SPON1: variants seen among roughly 807,000 people sequenced by gnomAD.
The protein encoded by SPON1 is spondin-1.
Under a neutral mutation model 111.7 loss-of-function variants are expected in SPON1, and 52 were observed. That is an observed-to-expected ratio of 0.47 (90% CI 0.37 to 0.59). The LOEUF (loss-of-function observed/expected upper bound fraction) is 0.59. SPON1 is among the 20% of genes least tolerant of loss of function. The pLI is 0.00. For missense variants in SPON1, 957 were observed against 1,068.5 expected (o/e 0.90, Z 1.46); for synonymous variants, 410 against 395.8 (o/e 1.04, Z -0.43).
At chr11:14,211,236 G>A (rs540796059) in intron 6 of SPON1, among the ~76,000 whole-genome samples, 18 of 152,256 alleles carry the variant, frequency 1.2e-4, no homozygotes, top group Middle Eastern at 3.4e-3. Flanking sequence ...AAACCCCATC[G>A]TCTCAGCCCA....
At chr11:13,986,642 C>T (rs1163087088) in intron 2 of SPON1, among the ~76,000 whole-genome samples, 1 of 151,338 alleles carries the variant, frequency 6.6e-6, no homozygotes, top group African/African-American at 2.4e-5. Context: ...TATACATGTG[C>T]CATGGTGGTT....
chr11:14,093,432 C>T (rs1235793821), intron 5 of SPON1, among the ~76,000 whole-genome samples: 1 of 152,206 alleles, frequency 6.6e-6, no homozygotes, highest in African/African-American at 2.4e-5. Flanking sequence ...ACCCTTTAAT[C>T]ACCTTTGACA....
At chr11:14,100,922 T>C (rs893357746) in intron 5 of SPON1, among the ~76,000 whole-genome samples, 4 of 152,256 alleles carry the variant, frequency 2.6e-5, no homozygotes, top group Admixed American at 6.5e-5. Flanking sequence ...TGTGTCCTTC[T>C]ATCCAGCTGC....
At chr11:14,198,658 G>A (rs1296968875) in intron 6 of SPON1, among the ~76,000 whole-genome samples, 2 of 152,128 alleles carry the variant, frequency 1.3e-5, no homozygotes, top group African/African-American at 4.8e-5. Context: ...ACTCATTCAG[G>A]GCGTGGGCCC....
At chr11:14,216,285 G>T (rs932704182) in intron 6 of SPON1, among the ~76,000 whole-genome samples, 1 of 152,086 alleles carries the variant, frequency 6.6e-6, no homozygotes, top group African/African-American at 2.4e-5. Flanking sequence ...ACCTGCAAAG[G>T]GTTTTCACAT....
chr11:14,030,274 G>C (rs552795563), intron 2 of SPON1, among the ~76,000 whole-genome samples: 1 of 152,332 alleles, frequency 6.6e-6, no homozygotes, highest in Admixed American at 6.5e-5. Flanking sequence ...GGGCGCCTAC[G>C]CATCTTGGCC....
At chr11:14,113,493 A>G (rs981121525) in intron 5 of SPON1, among the ~76,000 whole-genome samples, 1 of 150,442 alleles carries the variant, frequency 6.6e-6, no homozygotes, top group African/African-American at 2.4e-5. Context: ...ACACTCATCA[A>G]TCAACCAGAT....
chr11:14,068,198 A>G (rs1848847382), intron 3 of SPON1, among the ~76,000 whole-genome samples: 2 of 152,198 alleles, frequency 1.3e-5, no homozygotes, highest in South Asian at 4.1e-4. Context: ...GACAAGTTAT[A>G]TGATGAAGTT....
intron 5 of SPON1, among the ~76,000 whole-genome samples, chr11:14,104,692 G>A (rs1164471003): frequency 6.6e-6 from 1 of 151,820 alleles, no homozygotes; most frequent in African/African-American, 2.4e-5. Context: ...CTCTTCAATA[G>A]GTACATACTA....
In SPON1 at chr11:14,062,190, G is replaced by T. The variant is rs1372129532; in HGVS notation, c.480-13155G>T. On this transcript the variant is annotated intron_variant, in intron 3 of 15. Coordinates refer to ENST00000576479, the MANE Select transcript of SPON1 (RefSeq NM_006108.4). ...TTCCCAAAAGACAGAATTCAAGCAG[G>T]CCGGTTCACATCATTCAATATTCAG... Among the ~76,000 whole-genome samples, 11 of 152,186 alleles carry T rather than the reference G, an allele frequency of 7.2e-5. No individual in the cohort carries two copies. In the East Asian group the frequency reaches 2.1e-3, roughly 29 times the overall value.
intron 6 of SPON1, among the ~76,000 whole-genome samples, chr11:14,155,008 A>G (rs1554930229): frequency 1.3e-5 from 2 of 152,204 alleles, no homozygotes; most frequent in African/African-American, 4.8e-5. Context: ...GCATAGCAAG[A>G]GTGCCCTTTA....
chr11:14,175,159 C>T (rs1848160688), intron 6 of SPON1, among the ~76,000 whole-genome samples: 1 of 152,186 alleles, frequency 6.6e-6, no homozygotes, highest in South Asian at 2.1e-4. Flanking sequence ...AAAGCCTTAG[C>T]TACTGAGCTG....
chr11:14,164,785 G>A (rs148463978), intron 6 of SPON1, among the ~76,000 whole-genome samples: 1,565 of 152,252 alleles, frequency 0.01, 25 homozygotes, highest in African/African-American at 0.036. Context: ...AACTTGGTGG[G>A]TGGGGGGAAG....
At chr11:14,007,104 C>G (rs1356296378) in intron 2 of SPON1, among the ~76,000 whole-genome samples, 5 of 152,144 alleles carry the variant, frequency 3.3e-5, no homozygotes, top group Admixed American at 3.3e-4. Flanking sequence ...CAGGATAAAA[C>G]TGTTCTACCT....
At chr11:14,031,566 A>G (rs958897808) in intron 2 of SPON1, among the ~76,000 whole-genome samples, 1 of 152,214 alleles carries the variant, frequency 6.6e-6, no homozygotes, top group African/African-American at 2.4e-5. Context: ...GACACATTAT[A>G]TAAACAAAAT....
intron 5 of SPON1, among the ~76,000 whole-genome samples, chr11:14,127,421 C>T (rs782413537): frequency 1.3e-5 from 2 of 152,144 alleles, no homozygotes; most frequent in African/African-American, 4.8e-5. Flanking sequence ...CCTACCACTG[C>T]CCTAAGTCAG....
intron 6 of SPON1, among the ~76,000 whole-genome samples, chr11:14,240,900 C>G (rs1848918278): frequency 6.6e-6 from 1 of 152,034 alleles, no homozygotes; most frequent in South Asian, 2.1e-4. Flanking sequence ...ATATCCAACA[C>G]TTTAAAAATC....
chr11:14,048,819 C>G (rs782198858), intron 3 of SPON1, among the ~76,000 whole-genome samples: 1 of 152,186 alleles, frequency 6.6e-6, no homozygotes, highest in Non-Finnish European at 1.5e-5. Flanking sequence ...TGAAGTGATC[C>G]TCTGTTTCCA....
rs1466695209 is a variant in SPON1, at chr11:14,089,547, T to C, written c.676+9526T>C. Among the ~76,000 whole-genome samples, 6 of 152,172 alleles carry C rather than the reference T, an allele frequency of 3.9e-5. No homozygotes were observed. In the East Asian group the frequency reaches 1.2e-3, roughly 29 times the overall value. On this transcript the variant is annotated intron_variant, in intron 5 of 15. Transcript: ENST00000576479. ...GCACCAGCCTTATGCCAGCTGGAGC[T>C]CTCCTGTATGAGGTGTCTGTCAACC...
Sources: gnomAD v4.1 joint callset for allele counts (sites outside exome capture counted in the v4.1 genomes callset) on GRCh38, gnomAD v4.1.1 for gene constraint, MANE v1.5 for transcripts, NCBI Gene and HGNC (gene_info 2026-07-23, HGNC 2026-07-21) for gene names.